Variants in FARS2 observed in about 807,000 individuals in gnomAD.
FARS2 encodes the protein phenylalanine--tRNA ligase, mitochondrial.
Under a neutral mutation model 46.4 loss-of-function variants are expected in FARS2, and 40 were observed. The observed-to-expected ratio is 0.86, with a 90% CI of 0.67 to 1.12. FARS2 has a LOEUF of 1.12. Ranked by LOEUF, FARS2 falls within the 50% of genes most tolerant of loss-of-function variation. FARS2 has a pLI of 0.00. For missense variants in FARS2, 513 were observed against 567.9 expected (o/e 0.90, Z 0.98); for synonymous variants, 234 against 214.9 (o/e 1.09, Z -0.78).
chr6:5,653,045 A>G (rs141370891), intron 6 of FARS2, among the ~76,000 whole-genome samples: 2 of 152,356 alleles, frequency 1.3e-5, no homozygotes, highest in Admixed American at 6.5e-5. Flanking sequence ...GTTCAGTGCA[A>G]TATGCCACTT....
chr6:5,332,879 A>G (rs1158248813), intron 1 of FARS2, among the ~76,000 whole-genome samples: 3 of 152,234 alleles, frequency 2.0e-5, no homozygotes, highest in Non-Finnish European at 4.4e-5. Flanking sequence ...ATGGCTCAGT[A>G]TTAAGGAGTA....
chr6:5,295,160 C>T (rs1392043286), intron 1 of FARS2, among the ~76,000 whole-genome samples: 1 of 152,152 alleles, frequency 6.6e-6, no homozygotes, highest in Non-Finnish European at 1.5e-5. Context: ...TAGGATTTCT[C>T]AGGAACTAAT....
At chr6:5,260,537 G>A (rs1177805382), upstream of FARS2, 10 of 1,416,194 alleles carry the variant, frequency 7.1e-6, no homozygotes, top group Non-Finnish European at 8.6e-6. Context: ...CCTCGCAGCC[G>A]CCGGCAAACC....
chr6:5,558,672 G>A (rs1043825384), intron 5 of FARS2, among the ~76,000 whole-genome samples: 4 of 151,926 alleles, frequency 2.6e-5, no homozygotes, highest in South Asian at 4.1e-4. Context: ...GAGTAGCTGG[G>A]ACTACAGGCA....
chr6:5,326,962 G>T (rs1256832136), intron 1 of FARS2, among the ~76,000 whole-genome samples: 1 of 152,156 alleles, frequency 6.6e-6, no homozygotes, highest in Non-Finnish European at 1.5e-5. Context: ...CAGCATTAAG[G>T]ACATTAAACG....
intron 5 of FARS2, among the ~76,000 whole-genome samples, chr6:5,548,092 T>C (rs149701189): frequency 6.6e-6 from 1 of 152,014 alleles, no homozygotes; most frequent in African/African-American, 2.4e-5. Flanking sequence ...AGAAGCAAAA[T>C]CAGAAACCCC....
chr6:5,383,645 C>T (rs552552157), intron 2 of FARS2, among the ~76,000 whole-genome samples: 1 of 152,224 alleles, frequency 6.6e-6, no homozygotes, highest in African/African-American at 2.4e-5. Context: ...TGCCCATCCC[C>T]TTCTGTGTAT....
intron 5 of FARS2, among the ~76,000 whole-genome samples, chr6:5,553,157 C>G (rs898102295): frequency 6.6e-6 from 1 of 151,966 alleles, no homozygotes; most frequent in Non-Finnish European, 1.5e-5. Context: ...ATCTTTTTTG[C>G]CAGTTGAAGG....
chr6:5,426,632 A>AT (rs1377404748), intron 3 of FARS2, among the ~76,000 whole-genome samples: 2 of 152,128 alleles, frequency 1.3e-5, no homozygotes, highest in Non-Finnish European at 2.9e-5. Flanking sequence ...CAATTAATTA[A>AT]TTTATTTATT....
At chr6:5,455,673 G>A (rs1764808579) in intron 4 of FARS2, among the ~76,000 whole-genome samples, 1 of 151,986 alleles carries the variant, frequency 6.6e-6, no homozygotes, top group African/African-American at 2.4e-5. Flanking sequence ...TTAATTATAG[G>A]TCATTGAAAA....
the FARS2 span, among the ~76,000 whole-genome samples, chr6:5,250,391 C>A: frequency 6.6e-6 from 1 of 152,130 alleles, no homozygotes; most frequent in African/African-American, 2.4e-5. Context: ...TTATTTTTCA[C>A]CCCAAAACCT....
At chr6:5,333,573 T>C (rs764050203) in intron 1 of FARS2, among the ~76,000 whole-genome samples, 2 of 152,218 alleles carry the variant, frequency 1.3e-5, no homozygotes, top group South Asian at 4.1e-4. Context: ...AGTATGGACA[T>C]GTCTGAGGAA....
intron 4 of FARS2, among the ~76,000 whole-genome samples, chr6:5,494,207 A>T (rs754046662): frequency 1.3e-5 from 2 of 151,120 alleles, no homozygotes; most frequent in Non-Finnish European, 2.9e-5. Flanking sequence ...TTAAATAGTC[A>T]GTGACTACTT....
chr6:5,656,773 T>C (rs1171698889), intron 6 of FARS2, among the ~76,000 whole-genome samples: 1 of 152,160 alleles, frequency 6.6e-6, no homozygotes, highest in Non-Finnish European at 1.5e-5. Context: ...GGTCTTGAAC[T>C]CCTGACCTCA....
At chr6:5,323,598 A>C (rs1201374800) in intron 1 of FARS2, among the ~76,000 whole-genome samples, 2 of 152,192 alleles carry the variant, frequency 1.3e-5, no homozygotes, top group African/African-American at 4.8e-5. Context: ...TGCCATCCAG[A>C]ATCTTACCAA....
intron 5 of FARS2, among the ~76,000 whole-genome samples, chr6:5,573,798 C>A (rs1386841108): frequency 6.6e-6 from 1 of 152,188 alleles, no homozygotes; most frequent in East Asian, 1.9e-4. Flanking sequence ...TATAGTGGAC[C>A]ACAGTGCATT....
At chr6:5,407,787 T>C (rs1761700144) in intron 3 of FARS2, among the ~76,000 whole-genome samples, 1 of 152,216 alleles carries the variant, frequency 6.6e-6, no homozygotes, top group African/African-American at 2.4e-5. Context: ...AAACCTATGA[T>C]AGCCAGCATC....
At chr6:5,254,163 A>T in the FARS2 span, among the ~76,000 whole-genome samples, 1 of 152,232 alleles carries the variant, frequency 6.6e-6, no homozygotes, top group African/African-American at 2.4e-5. Flanking sequence ...GGTCAACAGA[A>T]ACGGCCCAAC....
At chr6:5,379,484 A>G (rs1223860373) in intron 2 of FARS2, among the ~76,000 whole-genome samples, 2 of 152,162 alleles carry the variant, frequency 1.3e-5, no homozygotes, top group East Asian at 1.9e-4. Context: ...AGTATTATCT[A>G]TAAGGAGGAG....
Sources: allele counts gnomAD v4.1 joint callset (sites outside exome capture counted in the v4.1 genomes callset), GRCh38; gene constraint gnomAD v4.1.1; transcripts MANE v1.5; gene names NCBI Gene and HGNC (gene_info 2026-07-23, HGNC 2026-07-21).